The following OTOG variants were observed in gnomAD, a reference collection of about 807,000 sequenced individuals.
The protein encoded by OTOG is otogelin.
A neutral mutation model predicts 313.8 loss-of-function variants in OTOG; 296 were observed. The observed-to-expected ratio is 0.94, with a 90% confidence interval of 0.86 to 1.04. OTOG has a LOEUF of 1.04. Among genes scored for constraint, OTOG ranks in the 50% least tolerant of loss-of-function variants. The pLI, the probability that OTOG is intolerant of heterozygous loss-of-function variation, is 0.00. For synonymous variants in OTOG, 1,533 were observed against 1,554.9 expected (o/e 0.99, Z 0.33); for missense variants, 3,948 against 3,840.1 (o/e 1.03, Z -0.74).
rs1313765662 is a variant in OTOG at position 17,591,369 on chromosome 11, C to T, written c.2868-81C>T. 15 of 1,510,084 alleles carry T rather than the reference C, an allele frequency of 9.9e-6. No homozygotes were observed. In the Admixed American group the frequency reaches 1.2e-4, roughly 12 times the overall value. 93.5% of individuals were successfully genotyped at this position (1,510,084 alleles called of 1,614,324 possible). A position where few individuals can be genotyped will look rare whatever the true frequency, so the allele number is the denominator to read the frequency against. On this transcript the variant is annotated intron_variant, in intron 24 of 55. Coordinates refer to ENST00000399397, the MANE Select transcript of OTOG (RefSeq NM_001292063.2). ...CCGAGGGACACAGTGCACATGCATT[C>T]GATAAGCCATGGCTCTGTCATGAGT...
intron 18 of OTOG, among the ~76,000 whole-genome samples, chr11:17,572,654 C>T (rs923530011): frequency 2.0e-5 from 3 of 152,226 alleles, no homozygotes; most frequent in Non-Finnish European, 4.4e-5. Context: ...ACACATGCCT[C>T]AGTTCCTCAC....
chr11:17,595,283 T>C (rs563006094), intron 28 of OTOG, among the ~76,000 whole-genome samples: 1 of 152,340 alleles, frequency 6.6e-6, no homozygotes, highest in East Asian at 1.9e-4. Context: ...CACACCCCCA[T>C]GTACATCATA....
intron 4 of OTOG, among the ~76,000 whole-genome samples, chr11:17,552,615 T>TGTGTCCCCCATCTGTCCTGTGTCC (rs1454853324): frequency 6.6e-6 from 1 of 150,930 alleles, no homozygotes; most frequent in Non-Finnish European, 1.5e-5. Flanking sequence ...CCACCTGTCC[T>TGTGTCCCCCATCTGTCCTGTGTCC]CTCACATCAT....
At chr11:17,556,002 G>A in intron 7 of OTOG, 105 bp downstream of exon 7, 1 of 876,632 alleles carries the variant, frequency 1.1e-6, no homozygotes. Flanking sequence ...TGTTTTCTGG[G>A]GACAAACAGC....
At chr11:17,569,368 C>A in intron 16 of OTOG, 80 bp downstream of exon 16, 1 of 1,518,906 alleles carries the variant, frequency 6.6e-7, no homozygotes, top group South Asian at 1.2e-5. Flanking sequence ...TGGCTAAAAG[C>A]ACTGCTACCC....
intron 39 of OTOG, among the ~76,000 whole-genome samples, chr11:17,619,741 C>T (rs1055187937): frequency 2.0e-5 from 3 of 152,116 alleles, no homozygotes; most frequent in South Asian, 4.1e-4. Flanking sequence ...TTATAAACTC[C>T]ACAGTAAATT....
rs921551582 is a variant in OTOG at position 17,552,006 on chromosome 11, G to T, written c.223G>T (p.Glu75Ter). Residue 75 changes from glutamate to a stop codon, truncating the protein, a stop_gained, in exon 4 of 56, where the codon GAA becomes TAA. Coordinates refer to ENST00000399397, the MANE Select transcript of OTOG (RefSeq NM_001292063.2). LOFTEE classifies it high-confidence loss of function. ...KATVVGGQQA[E>*]APDSVAMSSW... is the part of the protein sequence containing the mutation. ...TTCCTCCTGTCTTCACAAGCAGGCT[G>T]AAGCCCCAGACTCCGTGGCCATGTC... The T allele has an allele frequency of 2.6e-6, 4 of 1,550,378 alleles. No individual in the cohort carries two copies. The highest frequency in any genetic ancestry group is 3.5e-6 in the Non-Finnish European group (4 of 1,146,906).
rs1429526122 is a variant in OTOG, at chr11:17,610,876, C to T, written c.5576C>T (p.Ala1859Val). Residue 1859 changes from alanine to valine, a missense_variant, in exon 36 of 56, where the codon GCG (alanine) becomes GTG (valine). By Grantham distance (64) the Ala-to-Val change is moderately conservative. Transcript: ENST00000399397. ...TTCACTCCAGCAGCAATGACCCAGGCGCACCCACCCACTCACATAGCACCC... is the reference window on the plus strand; with the variant it reads ...TTCACTCCAGCAGCAATGACCCAGGTGCACCCACCCACTCACATAGCACCC... ...LPFTPAAMTQ[A>V]HPPTHIAPPA... The T allele has an allele frequency of 1.0e-5, 16 of 1,550,784 alleles. No individual in the cohort carries two copies. Among genetic ancestry groups the T allele is most frequent in the South Asian group, 2.4e-5 (2 of 84,054 alleles).
chr11:17,622,067 G>T (rs1590048955), intron 39 of OTOG, among the ~76,000 whole-genome samples: 1 of 152,146 alleles, frequency 6.6e-6, no homozygotes, highest in East Asian at 1.9e-4. Context: ...GGATCATGAA[G>T]CCCAATCCTC....
rs1852885459 is a variant in OTOG at position 17,589,720 on chromosome 11, C to A, written c.2868-1730C>A. On this transcript the variant is annotated intron_variant, in intron 24 of 55. Transcript: ENST00000399397. ...TTTCTATACTTGCTGTTTCAACTTTCTGTTCTCCCGTTCCCCTTTAAGCCC... is the reference window on the plus strand; with the variant it reads ...TTTCTATACTTGCTGTTTCAACTTTATGTTCTCCCGTTCCCCTTTAAGCCC... 2.0e-5 allele frequency among the ~76,000 whole-genome samples: 3 copies of A among 152,228 alleles called. No individual in the cohort carries two copies. The South Asian group carries it at 6.2e-4, about 32-fold the overall frequency.
intron 8 of OTOG, among the ~76,000 whole-genome samples, chr11:17,557,573 A>G: frequency 6.6e-6 from 1 of 152,094 alleles, no homozygotes; most frequent in East Asian, 1.9e-4. Flanking sequence ...GTTGTGGGGG[A>G]TCTAATAGAC....
intron 20 of OTOG, among the ~76,000 whole-genome samples, chr11:17,576,276 C>T (rs866778019): frequency 1.3e-5 from 2 of 152,184 alleles, no homozygotes; most frequent in Admixed American, 1.3e-4. Flanking sequence ...CTCCCTTCCC[C>T]GGTCCAAATG....
At chr11:17,613,168 C>T (rs974171355) in intron 38 of OTOG, among the ~76,000 whole-genome samples, 1 of 136,814 alleles carries the variant, frequency 7.3e-6, no homozygotes, top group Non-Finnish European at 1.6e-5. Flanking sequence ...TTCTCTTCTC[C>T]CTTTTCTTTC....
At chr11:17,566,410 T>C (rs973394905) in intron 15 of OTOG, among the ~76,000 whole-genome samples, 1 of 152,226 alleles carries the variant, frequency 6.6e-6, no homozygotes, top group Non-Finnish European at 1.5e-5. Flanking sequence ...GTTGAATCCA[T>C]GGATGCAGAA....
In OTOG at chr11:17,615,851, C is replaced by T. The variant is rs535135570; in HGVS notation, c.6528+2150C>T. 2.6e-5 allele frequency among the ~76,000 whole-genome samples: 4 copies of T among 152,214 alleles called. No homozygotes were observed. In the South Asian group the frequency reaches 6.2e-4, roughly 24 times the overall value. ...GCTGAGGCAGGAAAATCACTTGAAC[C>T]TGGGAGGCGGAGGTTGCGGTGAGCT... On this transcript the variant is annotated intron_variant, in intron 39 of 55. Transcript: ENST00000399397.
At chr11:17,638,576 C>A (rs1415345449) in intron 48 of OTOG, 27 bp downstream of exon 48, 1 of 1,543,022 alleles carries the variant, frequency 6.5e-7, no homozygotes, top group Non-Finnish European at 8.8e-7. Flanking sequence ...GACAGCCTCC[C>A]CGCTGGGAGA....
chr11:17,593,201 A>G lies in OTOG; in HGVS notation c.3015A>G (p.Ser1005=). ...ACKVHLVKST[S]DVSFSVIVEN... is the part of the protein sequence containing the mutation. ...ACTTATTCTCTCCTCAGAGCACATC[A>G]GATGTCAGCTTCTCTGTGATTGTAG... is the stretch of plus-strand genomic sequence containing the variant. Residue 1005 remains serine, a synonymous_variant, in exon 26 of 56, where the codon TCA becomes TCG. Transcript: ENST00000399397. 1.3e-6 allele frequency: 2 copies of G among 1,550,196 alleles called. No homozygotes were observed. Among genetic ancestry groups the G allele is most frequent in the Non-Finnish European group, 1.7e-6 (2 of 1,146,630 alleles).
chr11:17,573,139 G>T lies in OTOG; in HGVS notation c.2142G>T (p.Ala714=). 2 of 1,546,698 alleles carry T rather than the reference G, an allele frequency of 1.3e-6. No homozygotes were observed. ...GGGAGATGTTTGCGCCCTGCTCTGCGTTCCTGAGCCCCGTGCCCTACTTTG... is the reference window on the plus strand; with the variant it reads ...GGGAGATGTTTGCGCCCTGCTCTGCTTTCCTGAGCCCCGTGCCCTACTTTG... ...LTGEMFAPCS[A]FLSPVPYFEQ... is the part of the protein sequence containing the mutation. Residue 714 remains alanine, a synonymous_variant, in exon 19 of 56, where the codon GCG becomes GCT. Transcript: ENST00000399397.
chr11:17,602,491 A>T (rs1183521453), intron 32 of OTOG, 114 bp downstream of exon 32: 2 of 1,192,750 alleles, frequency 1.7e-6, no homozygotes, highest in South Asian at 1.6e-5. Flanking sequence ...AGGGGCTCCG[A>T]CAAGTGCCCC....
Sources: allele counts gnomAD v4.1 joint callset (sites outside exome capture counted in the v4.1 genomes callset), GRCh38; gene constraint gnomAD v4.1.1; transcripts MANE v1.5; gene names NCBI Gene and HGNC (gene_info 2026-07-23, HGNC 2026-07-21).